The following MOB2 variants were observed in gnomAD, a reference collection of about 807,000 sequenced individuals.
MOB2 encodes MOB2 Mps One Binder homolog.
In MOB2, 14 loss-of-function variants were observed where a neutral mutation model predicts 27.4. The ratio of observed to expected loss-of-function variants is 0.51; its 90% CI spans 0.34 to 0.80. The LOEUF (loss-of-function observed/expected upper bound fraction) is 0.80, where lower values mean the gene tolerates loss of function less well. MOB2 is among the 30% of genes least tolerant of loss of function. The pLI is 0.01. For missense variants in MOB2, 304 were observed against 354.6 expected, an observed-to-expected ratio of 0.86 and a Z score of 1.15; for synonymous variants, 167 against 151.8, an observed-to-expected ratio of 1.10 and a Z score of -0.74.
intron 1 of MOB2, among the ~76,000 whole-genome samples, chr11:1,483,936 C>T (rs570257481): frequency 1.4e-4 from 21 of 152,308 alleles, no homozygotes; most frequent in African/African-American, 5.1e-4. Context: ...CTCACCCTGC[C>T]CACAGCAGGT....
Position 1,486,456 on chromosome 11 carries a change from T to C in MOB2, c.101A>G (p.Lys34Arg), listed in dbSNP as rs1228101370. Residue 34 changes from lysine (K) to arginine (R), a missense_variant, in exon 1 of 5, where the codon AAA (lysine) becomes AGA (arginine). Lys to Arg is a conservative substitution (Grantham distance 26). Coordinates refer to ENST00000329957, the MANE Select transcript of MOB2 (RefSeq NM_001172223.3). Reference sequence around the variant, plus strand: ...GGCTGGCAGGTGTTACCTGAGCACTTTGCTGACAGCCTGAAGCACCATTTT... The same window carrying C: ...GGCTGGCAGGTGTTACCTGAGCACTCTGCTGACAGCCTGAAGCACCATTTT... ...CCKMVLQAVS[K>R]VLRKSKAKPN... is the part of the protein sequence containing the mutation. The C allele has an allele frequency of 1.3e-6, 2 of 1,535,562 alleles. No individual in the cohort carries two copies. Among genetic ancestry groups the C allele is most frequent in the Admixed American group, 3.9e-5 (2 of 50,984 alleles).
chr11:1,483,081 A>G (rs1847932723), intron 1 of MOB2, among the ~76,000 whole-genome samples: 1 of 152,008 alleles, frequency 6.6e-6, no homozygotes. Context: ...CAGTGGAGAA[A>G]ACACCTCTGC....
rs759388418 is a variant in MOB2, at chr11:1,470,220, C to G, written c.759G>C (p.Gly253=). 6.2e-7 allele frequency: 1 copy of G among 1,612,284 alleles called. No individual in the cohort carries two copies. Among genetic ancestry groups the G allele is most frequent in the East Asian group, 2.2e-5 (1 of 44,876 alleles). The change falls in exon 5 of 5, where the codon GGG becomes GGC. Residue 253 remains glycine (G), a synonymous_variant. Transcript: ENST00000329957. ...GGVHSGGSGD[G]AGSGGPGAQN... ...GTGCTCCCGGGCCCCCGCTGCCGGCCCCATCCCCACTGCCCCCACTGTGGA... is the reference window on the plus strand; with the variant it reads ...GTGCTCCCGGGCCCCCGCTGCCGGCGCCATCCCCACTGCCCCCACTGTGGA...
rs1162431735 is a variant in MOB2, at chr11:1,469,640, G to A, written c.*532C>T. 2.2e-6 allele frequency: 1 copy of A among 456,988 alleles called. No individual in the cohort carries two copies. Among genetic ancestry groups the A allele is most frequent in the Non-Finnish European group, 4.4e-6 (1 of 227,282 alleles). 28.3% of individuals were successfully genotyped at this position (456,988 alleles called of 1,614,324 possible). ...GCAGGAAGGGGTGACAGGAGCAGGAGCAGGTGCAGGGCACCTCACACCACA... is the reference window on the plus strand; with the variant it reads ...GCAGGAAGGGGTGACAGGAGCAGGAACAGGTGCAGGGCACCTCACACCACA... On this transcript the variant is annotated 3_prime_UTR_variant, in exon 5 of 5. Coordinates refer to ENST00000329957, the MANE Select transcript of MOB2 (RefSeq NM_001172223.3).
rs888247031 is a variant in MOB2, at chr11:1,481,295, G to A, written c.111-410C>T. On this transcript the variant is annotated intron_variant, in intron 1 of 4. Coordinates refer to ENST00000329957, the MANE Select transcript of MOB2 (RefSeq NM_001172223.3). ...CTCCTGGCTTCTTTTGAGTTGGCCA[G>A]CCTGTCCCTGCCCCTGCCGCTGGTG... The A allele has an allele frequency of 8.2e-5, 22 of 267,576 alleles. No individual in the cohort carries two copies. In the Middle Eastern group the frequency reaches 1.3e-3, roughly 16 times the overall value. The allele number at this position is 267,576 out of a possible 1,614,324, so 16.6% of individuals were successfully genotyped here. A position where few individuals can be genotyped will look rare whatever the true frequency, so the allele number is the denominator to read the frequency against.
chr11:1,473,594 A>C (rs1847820371), intron 3 of MOB2, among the ~76,000 whole-genome samples: 1 of 152,264 alleles, frequency 6.6e-6, no homozygotes. Flanking sequence ...ACAGGTCTCA[A>C]AACAGTGGAG....
chr11:1,471,785 T>C (rs916109339), intron 3 of MOB2: 2 of 180,708 alleles, frequency 1.1e-5, no homozygotes, highest in Non-Finnish European at 2.3e-5. Flanking sequence ...TTTTCTGTTG[T>C]ATTTTGAAAG....
chr11:1,469,911 C>A lies in MOB2; in HGVS notation c.*261G>T, dbSNP rs1428943775. 3 of 798,478 alleles carry A rather than the reference C, an allele frequency of 3.8e-6. No homozygotes were observed. The East Asian group carries it at 8.2e-5, about 22-fold the overall frequency. The allele number at this position is 798,478 out of a possible 1,614,324, so 49.5% of individuals were successfully genotyped here. On this transcript the variant is annotated 3_prime_UTR_variant, in exon 5 of 5. Transcript: ENST00000329957. The stretch of plus-strand genomic sequence containing the variant: ...CCCCACAGAAGAAAACTCAAAGCAT[C>A]AGTCCCATGCGTGTCTGCTGAACGA...
At chr11:1,470,679 G>A (rs945967510) in intron 4 of MOB2, among the ~76,000 whole-genome samples, 191 bp from the exon 5 acceptor site, 4 of 152,216 alleles carry the variant, frequency 2.6e-5, no homozygotes, top group African/African-American at 7.2e-5. Context: ...TGCCAACCCC[G>A]GGTCTGGGCT....
intron 1 of MOB2, chr11:1,481,117 C>T (rs1014371191): frequency 3.0e-5 from 20 of 655,932 alleles, no homozygotes; most frequent in Middle Eastern, 5.4e-4. Flanking sequence ...GAAGGGCTGG[C>T]GCTCCCACTT....
rs946888418 is a variant in MOB2 at position 1,486,469 on chromosome 11, G to A, written c.88C>T (p.Gln30Ter). 2 of 1,535,756 alleles carry A rather than the reference G, an allele frequency of 1.3e-6. No homozygotes were observed. The highest frequency in any genetic ancestry group is 1.4e-5 in the African/African-American group (1 of 73,064). ...TACCTGAGCACTTTGCTGACAGCCT[G>A]AAGCACCATTTTGCAGCAGAGTCCA... Reference protein sequence around the residue: ...QSGLCCKMVLQAVSKVLRKSK... With the variant: ...QSGLCCKMVL Residue 30 changes from glutamine (Q) to a stop codon, truncating the protein, a stop_gained, in exon 1 of 5, where the codon CAG becomes TAG. Transcript: ENST00000329957. LOFTEE classifies it high-confidence loss of function.
Position 1,469,469 on chromosome 11 carries a change from A to G in MOB2, c.*703T>C. ...CGTACACAGGCTCTGACCTGAGAGA[A>G]TTCTTTTTATTACGAGTGAACAGAT... On this transcript the variant is annotated 3_prime_UTR_variant, in exon 5 of 5. Coordinates refer to ENST00000329957, the MANE Select transcript of MOB2 (RefSeq NM_001172223.3). The G allele has an allele frequency of 2.3e-6, 1 of 432,544 alleles. No individual in the cohort carries two copies. The highest frequency in any genetic ancestry group is 4.7e-6 in the Non-Finnish European group (1 of 210,674). 26.8% of individuals were successfully genotyped at this position (432,544 alleles called of 1,614,324 possible).
rs1413506908 is a variant in MOB2 at position 1,470,211 on chromosome 11, GCTGCCGGCCCCATCCCCACTGCCCCCA to G, written c.741_767del (p.Ser250_Gly258del). On this transcript the variant is annotated inframe_deletion, in exon 5 of 5. Transcript: ENST00000329957. The stretch of plus-strand genomic sequence containing the variant: ...CGTGGTTCTGTGCTCCCGGGCCCCC[GCTGCCGGCCCCATCCCCACTGCCCCCA>G]CTGTGGACCCCGCCGGCCCCGCTGC... 3 of 1,611,150 alleles carry G rather than the reference GCTGCCGGCCCCATCCCCACTGCCCCCA, an allele frequency of 1.9e-6. No individual in the cohort carries two copies. Among genetic ancestry groups the G allele is most frequent in the Non-Finnish European group, 2.5e-6 (3 of 1,179,264 alleles).
chr11:1,480,509 A>G (rs1429015347), intron 2 of MOB2, 23 bp from the exon 3 acceptor site: 1 of 1,611,880 alleles, frequency 6.2e-7, no homozygotes, highest in South Asian at 1.1e-5. Flanking sequence ...AGAAGGAGCC[A>G]GATGTGAAAA....
In MOB2 at chr11:1,473,808, C is replaced by T. The variant is rs1414123895; in HGVS notation, c.366-2389G>A. Among the ~76,000 whole-genome samples, 7 of 152,254 alleles carry T rather than the reference C, an allele frequency of 4.6e-5. No individual in the cohort carries two copies. The East Asian group carries it at 5.8e-4, about 13-fold the overall frequency. Reference sequence around the variant, plus strand: ...CGCATTCATAACCACAATCAGGACACGCGGCGGCTTACGTGGCCCCTCACA... The same window carrying T: ...CGCATTCATAACCACAATCAGGACATGCGGCGGCTTACGTGGCCCCTCACA... On this transcript the variant is annotated intron_variant, in intron 3 of 4. Transcript: ENST00000329957.
chr11:1,470,008 G>A lies in MOB2; in HGVS notation c.*164C>T, dbSNP rs772823505. The A allele has an allele frequency of 2.0e-4, 299 of 1,520,846 alleles. No individual in the cohort carries two copies. The highest frequency in any genetic ancestry group is 1.7e-4 in the Middle Eastern group (1 of 5,990). 94.2% of individuals were successfully genotyped at this position (1,520,846 alleles called of 1,614,324 possible). Reference sequence around the variant, plus strand: ...CGACAGGGGGCCACAGGACACGGCCGGGGCCGTCTGCGTCTGTGCCTGTGC... The same window carrying A: ...CGACAGGGGGCCACAGGACACGGCCAGGGCCGTCTGCGTCTGTGCCTGTGC... On this transcript the variant is annotated 3_prime_UTR_variant, in exon 5 of 5. Transcript: ENST00000329957.
chr11:1,476,849 C>T (rs1350992831), intron 3 of MOB2, among the ~76,000 whole-genome samples: 1 of 152,198 alleles, frequency 6.6e-6, no homozygotes, highest in Non-Finnish European at 1.5e-5. Flanking sequence ...GACCCATGGA[C>T]TACTCAGAAT....
chr11:1,477,558 T>C (rs1847865940), intron 3 of MOB2, among the ~76,000 whole-genome samples: 1 of 152,178 alleles, frequency 6.6e-6, no homozygotes. Flanking sequence ...ACAGAACTGG[T>C]GGCTCCGTCG....
intron 3 of MOB2, among the ~76,000 whole-genome samples, chr11:1,473,970 G>A (rs1221562717): frequency 2.4e-5 from 1 of 42,506 alleles, no homozygotes; most frequent in Non-Finnish European, 6.6e-5. Flanking sequence ...CGTGGCAGAC[G>A]TGTCGGAAGT....
Sources: gnomAD v4.1 joint callset for allele counts (sites outside exome capture counted in the v4.1 genomes callset) on GRCh38, gnomAD v4.1.1 for gene constraint, MANE v1.5 for transcripts, NCBI Gene and HGNC (gene_info 2026-07-23, HGNC 2026-07-21) for gene names.